SLC9A4: variants seen among roughly 807,000 people sequenced by gnomAD.
SLC9A4 encodes sodium/hydrogen exchanger 4.
In SLC9A4, 63 loss-of-function variants were observed where a neutral mutation model predicts 67.4. The observed-to-expected ratio is 0.93, with a 90% CI of 0.76 to 1.15. The LOEUF (loss-of-function observed/expected upper bound fraction) is 1.15. Among genes scored for constraint, SLC9A4 ranks in the 50% most tolerant of loss-of-function variants. SLC9A4 has a pLI of 0.00. For missense variants in SLC9A4, 1,089 were observed against 987.7 expected, an observed-to-expected ratio of 1.10 and a Z score of -1.38; for synonymous variants, 393 against 367.2, an observed-to-expected ratio of 1.07 and a Z score of -0.80.
At chr2:102,512,563 C>T (rs918678634) in intron 7 of SLC9A4, among the ~76,000 whole-genome samples, 4 of 152,056 alleles carry the variant, frequency 2.6e-5, no homozygotes, top group African/African-American at 9.7e-5. Flanking sequence ...GACAAGGTTC[C>T]CAATGATAAG....
chr2:102,509,241 G>T (rs1254259827), intron 6 of SLC9A4, among the ~76,000 whole-genome samples: 1 of 152,196 alleles, frequency 6.6e-6, no homozygotes, highest in African/African-American at 2.4e-5. Context: ...GGCTGCCTGT[G>T]TTCCTTGGCC....
intron 1 of SLC9A4, among the ~76,000 whole-genome samples, chr2:102,475,437 G>T (rs1323088216): frequency 6.6e-6 from 1 of 152,184 alleles, no homozygotes; most frequent in Non-Finnish European, 1.5e-5. Context: ...TAGTTGCTCT[G>T]TTTATCAGTA....
chr2:102,527,229 C>T (rs1674683979), intron 11 of SLC9A4, among the ~76,000 whole-genome samples: 1 of 151,580 alleles, frequency 6.6e-6, no homozygotes, highest in African/African-American at 2.4e-5. Flanking sequence ...CTTCCTATAC[C>T]TGCCTGATCC....
intron 11 of SLC9A4, among the ~76,000 whole-genome samples, chr2:102,529,900 G>A (rs956027457): frequency 2.6e-5 from 4 of 152,160 alleles, no homozygotes; most frequent in African/African-American, 9.7e-5. Context: ...CTCACTTGGT[G>A]TTATAACTAG....
At chr2:102,487,529 G>T (rs945687807) in intron 2 of SLC9A4, among the ~76,000 whole-genome samples, 21 of 152,198 alleles carry the variant, frequency 1.4e-4, no homozygotes, top group Non-Finnish European at 2.8e-4. Context: ...GAGCAGGACA[G>T]GGCTGGAGGG....
intron 3 of SLC9A4, 100 bp downstream of exon 3, chr2:102,503,807 T>A: frequency 6.9e-7 from 1 of 1,453,202 alleles, no homozygotes; most frequent in South Asian, 1.4e-5. Flanking sequence ...CCAATGACGC[T>A]AACCCTCCAA....
intron 9 of SLC9A4, among the ~76,000 whole-genome samples, chr2:102,522,950 C>T (rs1413630657): frequency 6.6e-6 from 1 of 152,026 alleles, no homozygotes; most frequent in Admixed American, 6.6e-5. Flanking sequence ...TTCCCTTGGC[C>T]TTCAGTTTAT....
intron 2 of SLC9A4, among the ~76,000 whole-genome samples, chr2:102,491,548 G>A (rs1030393918): frequency 6.6e-6 from 1 of 151,942 alleles, no homozygotes. Flanking sequence ...CAGATCTCAT[G>A]AGACTTATTC....
In SLC9A4 at chr2:102,519,947, C is replaced by T. The variant is rs761269889; in HGVS notation, c.1810C>T (p.Arg604Trp). 40 of 1,613,322 alleles carry T rather than the reference C, an allele frequency of 2.5e-5. 1 individual carries two copies. Among genetic ancestry groups the T allele is most frequent in the Middle Eastern group, 3.3e-4 (2 of 6,076 alleles). ...TCTGACATCCAACATGTACCAAGTTCGGCAAAGGGTGTGTATGAGCCACCT... is the reference window on the plus strand; with the variant it reads ...TCTGACATCCAACATGTACCAAGTTTGGCAAAGGGTGTGTATGAGCCACCT... Reference protein sequence around the residue: ...DILTSNMYQVRQRTLSYNKYN... With the variant: ...DILTSNMYQVWQRTLSYNKYN... The change falls in exon 9 of 12, where the codon CGG becomes TGG. Residue 604 changes from arginine (R) to tryptophan (W), a missense_variant. Transcript: ENST00000295269.
Position 102,508,292 on chromosome 2 carries a change from T to G in SLC9A4, c.1401+11T>G, listed in dbSNP as rs1009463340. ...ACTGTATTTATTCAGGTAAGTAGAT[T>G]TCCCTTATATTTAAATAAATAGGTT... On this transcript the variant is annotated intron_variant, in intron 5 of 11. Transcript: ENST00000295269. 5.7e-6 allele frequency: 9 copies of G among 1,578,674 alleles called. No homozygotes were observed. The highest frequency in any genetic ancestry group is 6.9e-6 in the Non-Finnish European group (8 of 1,156,558).
intron 7 of SLC9A4, among the ~76,000 whole-genome samples, chr2:102,513,029 A>G (rs935567851): frequency 2.0e-5 from 3 of 152,218 alleles, no homozygotes; most frequent in African/African-American, 7.2e-5. Flanking sequence ...CAGTATGGGA[A>G]GAATGAGGGC....
At chr2:102,510,076 T>G (rs1024713510) in intron 6 of SLC9A4, among the ~76,000 whole-genome samples, 1 of 152,070 alleles carries the variant, frequency 6.6e-6, no homozygotes, top group Non-Finnish European at 1.5e-5. Flanking sequence ...TTCTTGCTTA[T>G]AGAATTGTGA....
intron 2 of SLC9A4, among the ~76,000 whole-genome samples, chr2:102,497,325 GCAA>G (rs530421444): frequency 0.029 from 4,343 of 152,256 alleles, 94 homozygotes; most frequent in Non-Finnish European, 0.046. Context: ...AGGTATATAC[GCAA>G]GAGAAATGAC....
At chr2:102,514,592 T>C (rs1202545459) in intron 8 of SLC9A4, among the ~76,000 whole-genome samples, 2 of 152,238 alleles carry the variant, frequency 1.3e-5, no homozygotes, top group African/African-American at 2.4e-5. Context: ...CATGTGATTC[T>C]GTCCTTCCTA....
intron 2 of SLC9A4, among the ~76,000 whole-genome samples, chr2:102,483,841 T>TACACACACACACAC (rs34552153): frequency 1.9e-4 from 24 of 126,794 alleles, no homozygotes; most frequent in African/African-American, 6.8e-4. Context: ...TATATATATA[T>TACACACACACACAC]ACACACACAC....
At chr2:102,478,206 A>G (rs1684373354) in intron 1 of SLC9A4, among the ~76,000 whole-genome samples, 1 of 152,196 alleles carries the variant, frequency 6.6e-6, no homozygotes, top group African/African-American at 2.4e-5. Context: ...GGAAATCCTA[A>G]ATAAAGGCAG....
Position 102,508,858 on chromosome 2 carries a change from T to C in SLC9A4, c.1413T>C (p.Val471=). 6.2e-7 allele frequency: 1 copy of C among 1,612,774 alleles called. No homozygotes were observed. Reference sequence around the variant, plus strand: ...TATTTCTGATCTAGGGAATCACAGTTGGCCCTCTGGTCAGGTACCTGGATG... The same window carrying C: ...TATTTCTGATCTAGGGAATCACAGTCGGCCCTCTGGTCAGGTACCTGGATG... ...YFTVFIQGIT[V]GPLVRYLDVK... Residue 471 remains valine (V), a synonymous_variant, in exon 6 of 12, where the codon GTT becomes GTC. Transcript: ENST00000295269.
At chr2:102,493,289 T>C (rs1398433143) in intron 2 of SLC9A4, among the ~76,000 whole-genome samples, 1 of 150,118 alleles carries the variant, frequency 6.7e-6, no homozygotes, top group East Asian at 1.9e-4. Flanking sequence ...CCACTCTACC[T>C]GTACCAATTT....
chr2:102,501,821 G>A (rs1056864956), intron 2 of SLC9A4, among the ~76,000 whole-genome samples: 2 of 151,880 alleles, frequency 1.3e-5, no homozygotes, highest in East Asian at 3.9e-4. Flanking sequence ...GAGACACTAA[G>A]TGTCTCCATA....
Sources: allele counts gnomAD v4.1 joint callset (sites outside exome capture counted in the v4.1 genomes callset), GRCh38; gene constraint gnomAD v4.1.1; transcripts MANE v1.5; gene names NCBI Gene and HGNC (gene_info 2026-07-23, HGNC 2026-07-21).